ZNF423: variants seen among roughly 807,000 people sequenced by gnomAD.
The protein encoded by ZNF423 is Ebf-associated zinc finger protein.
In ZNF423, 12 loss-of-function variants were observed where a neutral mutation model predicts 95.8. The observed-to-expected ratio is 0.13, with a 90% CI of 0.08 to 0.20. ZNF423 has a LOEUF of 0.20. Among genes scored for constraint, ZNF423 ranks in the 10% least tolerant of loss-of-function variants. The pLI is 1.00. For synonymous variants in ZNF423, 749 were observed against 711.9 expected (o/e 1.05, Z -0.83); for missense variants, 1,316 against 1,737.1 (o/e 0.76, Z 4.31).
At chr16:49,762,284 C>T (rs903151299) in intron 2 of ZNF423, among the ~76,000 whole-genome samples, 3 of 152,220 alleles carry the variant, frequency 2.0e-5, no homozygotes, top group East Asian at 1.9e-4. Flanking sequence ...CGTCCCCCAG[C>T]GCCCCAGAAG....
Position 49,621,084 on chromosome 16 carries a change from C to T in ZNF423, c.3601+5086G>A, listed in dbSNP as rs1003548430. On this transcript the variant is annotated intron_variant, in intron 5 of 7. Coordinates refer to ENST00000563137, the MANE Select transcript of ZNF423 (RefSeq NM_001379286.1). ...CCTCCTGCAGAGCAATTTCCTGGGG[C>T]GGCAGAGGTGGGAGTCATCCTCCCA... is the stretch of plus-strand genomic sequence containing the variant. Among the ~76,000 whole-genome samples the T allele has an allele frequency of 5.3e-5, 8 of 152,240 alleles. No homozygotes were observed. In the South Asian group the frequency reaches 6.2e-4, roughly 12 times the overall value.
intron 5 of ZNF423, among the ~76,000 whole-genome samples, chr16:49,547,652 G>T (rs904538404): frequency 1.3e-5 from 2 of 152,200 alleles, no homozygotes; most frequent in Admixed American, 6.5e-5. Flanking sequence ...TTCTGAAGGC[G>T]GAGGGTGGCA....
chr16:49,779,737 A>G (rs2034178190), intron 2 of ZNF423, among the ~76,000 whole-genome samples: 1 of 152,208 alleles, frequency 6.6e-6, no homozygotes, highest in African/African-American at 2.4e-5. Context: ...CCAGCAGGAC[A>G]GCGGGATCCT....
chr16:49,815,158 T>G (rs2034817489), intron 1 of ZNF423, among the ~76,000 whole-genome samples: 1 of 152,060 alleles, frequency 6.6e-6, no homozygotes, highest in Non-Finnish European at 1.5e-5. Flanking sequence ...ATCAGTAAAA[T>G]GGGTCAAAGA....
chr16:49,760,736 C>T (rs1184052407), intron 2 of ZNF423, among the ~76,000 whole-genome samples: 1 of 152,044 alleles, frequency 6.6e-6, no homozygotes, highest in Non-Finnish European at 1.5e-5. Flanking sequence ...GGACCTGGAC[C>T]TGACTCTTGA....
intron 3 of ZNF423, among the ~76,000 whole-genome samples, chr16:49,698,695 C>T (rs1214256905): frequency 6.6e-6 from 1 of 152,058 alleles, no homozygotes; most frequent in African/African-American, 2.4e-5. Flanking sequence ...CAGCTGGGAA[C>T]ACAGCCGCCC....
intron 2 of ZNF423, among the ~76,000 whole-genome samples, chr16:49,765,457 TC>T (rs2033913051): frequency 1.3e-5 from 2 of 152,102 alleles, no homozygotes; most frequent in African/African-American, 4.8e-5. Flanking sequence ...AGGACTGTAA[TC>T]CCAGCACTTT....
chr16:49,593,752 G>A (rs1162413896), intron 5 of ZNF423, among the ~76,000 whole-genome samples: 2 of 152,192 alleles, frequency 1.3e-5, no homozygotes, highest in Non-Finnish European at 2.9e-5. Flanking sequence ...AGCACCGCTG[G>A]TGTGGGACCT....
intron 2 of ZNF423, chr16:49,731,365 T>A (rs2033164166): frequency 1.0e-6 from 1 of 985,320 alleles, no homozygotes; most frequent in African/African-American, 1.7e-5. Context: ...AGCCTTGCAA[T>A]TTAGAGCTGG....
At chr16:49,561,919 T>C (rs1439902316) in intron 5 of ZNF423, among the ~76,000 whole-genome samples, 1 of 152,214 alleles carries the variant, frequency 6.6e-6, no homozygotes, top group Non-Finnish European at 1.5e-5. Context: ...TGAGGGCTGA[T>C]TGACAATTCA....
chr16:49,835,321 C>T (rs2035105823), intron 1 of ZNF423, among the ~76,000 whole-genome samples: 1 of 152,200 alleles, frequency 6.6e-6, no homozygotes, highest in African/African-American at 2.4e-5. Flanking sequence ...ACAGACAACC[C>T]CATCCTGGGC....
chr16:49,569,476 C>G (rs1218536437), intron 5 of ZNF423, among the ~76,000 whole-genome samples: 1 of 152,194 alleles, frequency 6.6e-6, no homozygotes, highest in African/African-American at 2.4e-5. Context: ...GTCCCATAGG[C>G]TTGGGTACAA....
intron 2 of ZNF423, among the ~76,000 whole-genome samples, chr16:49,780,155 T>C (rs1483718156): frequency 6.6e-6 from 1 of 152,184 alleles, no homozygotes; most frequent in Non-Finnish European, 1.5e-5. Context: ...CATTTCCACA[T>C]GTCCTGGGTA....
intron 1 of ZNF423, among the ~76,000 whole-genome samples, chr16:49,792,021 A>G (rs2034424107): frequency 6.6e-6 from 1 of 150,848 alleles, no homozygotes; most frequent in South Asian, 2.1e-4. Flanking sequence ...AAAAAAAAAA[A>G]GAAAGAAAGT....
intron 3 of ZNF423, among the ~76,000 whole-genome samples, chr16:49,710,499 G>A (rs996618953): frequency 1.3e-5 from 2 of 152,212 alleles, no homozygotes; most frequent in African/African-American, 2.4e-5. Context: ...CTTCAGGGCC[G>A]ACTCTGGCAC....
chr16:49,602,368 G>A (rs1048690152), intron 5 of ZNF423, among the ~76,000 whole-genome samples: 1 of 152,192 alleles, frequency 6.6e-6, no homozygotes, highest in African/African-American at 2.4e-5. Context: ...TGCACTCGAA[G>A]AGTTTCACCG....
chr16:49,766,607 A>G (rs2033933797), intron 2 of ZNF423, among the ~76,000 whole-genome samples: 1 of 152,226 alleles, frequency 6.6e-6, no homozygotes, highest in Non-Finnish European at 1.5e-5. Context: ...AGGCCCAGGA[A>G]ACTCAAAACA....
In ZNF423 at chr16:49,487,554, A is replaced by T. The variant is rs1049453649; in HGVS notation, c.*3721T>A. ...TGTACAGTACAATTTCACTTTATTCATCGTTGTCATCATGATTGTTATAAT... is the reference window on the plus strand; with the variant it reads ...TGTACAGTACAATTTCACTTTATTCTTCGTTGTCATCATGATTGTTATAAT... On this transcript the variant is annotated 3_prime_UTR_variant, in exon 8 of 8. Transcript: ENST00000563137. 5 of 152,192 alleles carry T rather than the reference A, an allele frequency of 3.3e-5. No homozygotes were observed. The highest frequency in any genetic ancestry group is 1.2e-4 in the African/African-American group (5 of 41,442). The allele number at this position is 152,192 out of a possible 1,614,324, so 9.4% of individuals were successfully genotyped here.
At chr16:49,563,382 C>G (rs570531276) in intron 5 of ZNF423, among the ~76,000 whole-genome samples, 6 of 152,292 alleles carry the variant, frequency 3.9e-5, no homozygotes, top group African/African-American at 1.4e-4. Context: ...GAGGCCCTCC[C>G]CAGATGCTGG....
Sources: gnomAD v4.1 joint callset for allele counts (sites outside exome capture counted in the v4.1 genomes callset) on GRCh38, gnomAD v4.1.1 for gene constraint, MANE v1.5 for transcripts, NCBI Gene and HGNC (gene_info 2026-07-23, HGNC 2026-07-21) for gene names.